The following KRTDAP variants were observed in gnomAD, a reference collection of about 807,000 sequenced individuals.
KRTDAP encodes keratinocyte differentiation-associated protein.
In KRTDAP, 14 loss-of-function variants were observed where a neutral mutation model predicts 18.6. The observed-to-expected ratio is 0.75, with a 90% CI of 0.50 to 1.18. The LOEUF is 1.18. Ranked by LOEUF, KRTDAP falls within the 50% of genes most tolerant of loss-of-function variation. The pLI is 0.00. For missense variants in KRTDAP, 114 were observed against 121.3 expected (o/e 0.94, Z 0.28); for synonymous variants, 53 against 49.5 (o/e 1.07, Z -0.29).
chr19:35,488,273 G>A (rs1306143385), intron 4 of KRTDAP, among the ~76,000 whole-genome samples, 168 bp downstream of exon 4: 2 of 152,140 alleles, frequency 1.3e-5, no homozygotes, highest in Non-Finnish European at 1.5e-5. Context: ...GACTGGCGCC[G>A]GGGGAAGCTT....
chr19:35,489,681 CTT>C (rs896412197), intron 1 of KRTDAP, among the ~76,000 whole-genome samples: 2 of 152,144 alleles, frequency 1.3e-5, no homozygotes, highest in African/African-American at 4.8e-5. Flanking sequence ...CTGTCTTAGA[CTT>C]TTAAATCCGG....
At chr19:35,489,064 CAGCAGGCAGAA>C (rs2058904643) in intron 1 of KRTDAP, among the ~76,000 whole-genome samples, 1 of 152,226 alleles carries the variant, frequency 6.6e-6, no homozygotes, top group Admixed American at 6.5e-5. Flanking sequence ...TCACCATGGG[CAGCAGGCAGAA>C]AGCCTGGAGC....
chr19:35,488,089 G>A (rs1397863836), intron 4 of KRTDAP, among the ~76,000 whole-genome samples: 6 of 152,226 alleles, frequency 3.9e-5, no homozygotes, highest in African/African-American at 1.4e-4. Flanking sequence ...GTCAGGAGAC[G>A]CGGGCCCCAG....
At chr19:35,488,097 C>T (rs552407751) in intron 4 of KRTDAP, among the ~76,000 whole-genome samples, 1 of 152,210 alleles carries the variant, frequency 6.6e-6, no homozygotes, top group African/African-American at 2.4e-5. Flanking sequence ...ACGCGGGCCC[C>T]AGCTCTGTCG....
intron 4 of KRTDAP, 60 bp downstream of exon 4, chr19:35,488,381 G>A (rs575772074): frequency 1.3e-6 from 2 of 1,555,356 alleles, no homozygotes; most frequent in South Asian, 2.3e-5. Flanking sequence ...AAAATGTGTG[G>A]CCACTACCCT....
chr19:35,487,370 T>G lies in KRTDAP; in HGVS notation c.*58A>C, dbSNP rs1599754702. On this transcript the variant is annotated 3_prime_UTR_variant, in exon 6 of 6. Transcript: ENST00000338897. ...TTGGAGTTCCTGAGGCAGGAAAGAGTTATGGTAGGTTGAGAATCAGCGCTC... is the reference window on the plus strand; with the variant it reads ...TTGGAGTTCCTGAGGCAGGAAAGAGGTATGGTAGGTTGAGAATCAGCGCTC... 2.0e-6 allele frequency: 3 copies of G among 1,510,218 alleles called. No individual in the cohort carries two copies. Among genetic ancestry groups the G allele is most frequent in the Non-Finnish European group, 2.8e-6 (3 of 1,084,796 alleles). 93.6% of individuals were successfully genotyped at this position (1,510,218 alleles called of 1,614,324 possible).
Position 35,488,843 on chromosome 19 carries a change from G to T in KRTDAP, c.88-3C>A, listed in dbSNP as rs10408664. On this transcript the variant is annotated splice_polypyrimidine_tract_variant and splice_region_variant and intron_variant, in intron 1 of 5. Transcript: ENST00000338897. ...TAATTCTCAATGGTGCTTTCTTCCTGGAAAAGGAGAGGGAGAAAAGGCGGC... is the reference window on the plus strand; with the variant it reads ...TAATTCTCAATGGTGCTTTCTTCCTTGAAAAGGAGAGGGAGAAAAGGCGGC... 1.9e-4 allele frequency: 304 copies of T among 1,613,792 alleles called. 2 individuals carry two copies. The South Asian group carries it at 3.1e-3, about 16-fold the overall frequency.
chr19:35,490,419 G>A lies in KRTDAP; in HGVS notation c.24C>T (p.Ala8=), dbSNP rs751348587. Residue 8 remains alanine, a synonymous_variant, in exon 1 of 6, where the codon GCC becomes GCT. Transcript: ENST00000338897. ...GCACCAGGAGGGAGAGGAGCACCAC[G>A]GCAGGAAGGACCGGGATCTTCATGG... MKIPVLP[A]VVLLSLLVLH... 51 of 1,613,636 alleles carry A rather than the reference G, an allele frequency of 3.2e-5. No individual in the cohort carries two copies. The South Asian group carries it at 4.3e-4, about 14-fold the overall frequency.
At chr19:35,488,360 C>G (rs2067503289) in intron 4 of KRTDAP, 81 bp downstream of exon 4, 1 of 1,435,798 alleles carries the variant, frequency 7.0e-7, no homozygotes, top group African/African-American at 1.4e-5. Context: ...CCAACCCATA[C>G]ATTTAAAGCC....
At position 35,488,449 on chromosome 19, in the gene KRTDAP, G is replaced by T; in HGVS notation, c.205C>A (p.Leu69Ile). 6.2e-7 allele frequency: 1 copy of T among 1,612,918 alleles called. No homozygotes were observed. Among genetic ancestry groups the T allele is most frequent in the South Asian group, 1.1e-5 (1 of 90,794 alleles). Residue 69 changes from leucine (L) to isoleucine (I), a missense_variant, in exon 4 of 6, where the codon CTC becomes ATC. Physicochemically the swap from Leu to Ile is conservative, Grantham distance 5. Coordinates refer to ENST00000338897, the MANE Select transcript of KRTDAP (RefSeq NM_207392.3). ...KADEFLNWHALFESIKRKLPF... is the reference protein window; with the variant it reads ...KADEFLNWHAIFESIKRKLPF... ...GGCGCCGGAGCACTCACCTCAAAGA[G>T]GGCGTGCCAGTTCAGGAACTCATCA... is the stretch of plus-strand genomic sequence containing the variant.
chr19:35,488,394 G>A, intron 4 of KRTDAP, 47 bp downstream of exon 4: 1 of 1,598,376 alleles, frequency 6.3e-7, no homozygotes, highest in Non-Finnish European at 8.5e-7. Flanking sequence ...ACTACCCTGG[G>A]ATGACTGCAG....
intron 5 of KRTDAP, 37 bp downstream of exon 5, chr19:35,487,675 C>T (rs2293690): frequency 0.11 from 175,372 of 1,571,018 alleles, 12,210 homozygotes; most frequent in East Asian, 0.25. Flanking sequence ...TCCCTTACCC[C>T]CAAGCTCCAT....
At chr19:35,490,015 C>T (rs1437192252) in intron 1 of KRTDAP, among the ~76,000 whole-genome samples, 14 of 151,756 alleles carry the variant, frequency 9.2e-5, no homozygotes, top group African/African-American at 3.2e-4. Flanking sequence ...TTCCCCTGCA[C>T]GTCCCCAGGC....
Position 35,487,407 on chromosome 19 carries a change from CT to C in KRTDAP, c.*20del, listed in dbSNP as rs1307701036. 42 of 1,612,494 alleles carry C rather than the reference CT, an allele frequency of 2.6e-5. No individual in the cohort carries two copies. Among genetic ancestry groups the C allele is most frequent in the Non-Finnish European group, 3.4e-5 (40 of 1,178,576 alleles). On this transcript the variant is annotated 3_prime_UTR_variant, in exon 6 of 6. Coordinates refer to ENST00000338897, the MANE Select transcript of KRTDAP (RefSeq NM_207392.3). Reference sequence around the variant, plus strand: ...GAGAATCAGCGCTCACGCTAGCCCCCTCTTCCAGTGGAGGTCATGGTCACTG... The same window carrying C: ...GAGAATCAGCGCTCACGCTAGCCCCCCTTCCAGTGGAGGTCATGGTCACTG...
Position 35,490,368 on chromosome 19 carries a change from C to T in KRTDAP, c.75G>A (p.Leu25=). 3 of 1,611,458 alleles carry T rather than the reference C, an allele frequency of 1.9e-6. No individual in the cohort carries two copies. The highest frequency in any genetic ancestry group is 2.5e-6 in the Non-Finnish European group (3 of 1,178,532). Reference sequence around the variant, plus strand: ...GTGACGTGCTCACCTCAGGACCACCCAGGGTGGCTCCCTGGGCAGAGTGGA... The same window carrying T: ...GTGACGTGCTCACCTCAGGACCACCTAGGGTGGCTCCCTGGGCAGAGTGGA... The part of the protein sequence containing the change: ...LVLHSAQGAT[L]GGPEEESTIE... Residue 25 remains leucine, a synonymous_variant, in exon 1 of 6, where the codon CTG becomes CTA. Coordinates refer to ENST00000338897, the MANE Select transcript of KRTDAP (RefSeq NM_207392.3).
At chr19:35,487,634 C>A (rs1012072959) in intron 5 of KRTDAP, 78 bp downstream of exon 5, 184 of 1,307,140 alleles carry the variant, frequency 1.4e-4, no homozygotes, top group Non-Finnish European at 5.6e-5. Context: ...CTTTCCCTGT[C>A]CCCACTCTCT....
Position 35,488,422 on chromosome 19 carries a change from G to A in KRTDAP, c.213+19C>T, listed in dbSNP as rs1375407497. 6.2e-7 allele frequency: 1 copy of A among 1,611,108 alleles called. No homozygotes were observed. Among genetic ancestry groups the A allele is most frequent in the Non-Finnish European group, 8.5e-7 (1 of 1,179,014 alleles). ...GACTGCAGACAACCGAGGAGGGCAAGGGGCGCCGGAGCACTCACCTCAAAG... is the reference window on the plus strand; with the variant it reads ...GACTGCAGACAACCGAGGAGGGCAAAGGGCGCCGGAGCACTCACCTCAAAG... On this transcript the variant is annotated intron_variant, in intron 4 of 5. Transcript: ENST00000338897.
At chr19:35,488,048 C>G (rs538596834) in intron 4 of KRTDAP, among the ~76,000 whole-genome samples, 1 of 152,284 alleles carries the variant, frequency 6.6e-6, no homozygotes, top group East Asian at 1.9e-4. Flanking sequence ...TGAAGGCGTT[C>G]GCATGAGGCC....
rs751222458 is a variant in KRTDAP, at chr19:35,488,654, G to A, written c.168+8C>T. ...TTCGTGGGGGTAGCACCAGAGAAGC[G>A]TACTCACAGATCGCAATTTGTCGAT... On this transcript the variant is annotated splice_region_variant and intron_variant, in intron 3 of 5. Coordinates refer to ENST00000338897, the MANE Select transcript of KRTDAP (RefSeq NM_207392.3). 5.0e-5 allele frequency: 80 copies of A among 1,613,976 alleles called. No homozygotes were observed. In the South Asian group the frequency reaches 7.8e-4, roughly 16 times the overall value.
Sources: allele counts gnomAD v4.1 joint callset (sites outside exome capture counted in the v4.1 genomes callset), GRCh38; gene constraint gnomAD v4.1.1; transcripts MANE v1.5; gene names NCBI Gene and HGNC (gene_info 2026-07-23, HGNC 2026-07-21).